The following PRPS2 variants were observed in gnomAD, a reference collection of about 807,000 sequenced individuals.
PRPS2 encodes the protein ribose-phosphate pyrophosphokinase 2.
For missense variants in PRPS2, 104 were observed against 271.5 expected, an observed-to-expected ratio of 0.38 and a Z score of 4.34; for synonymous variants, 111 against 115.3, an observed-to-expected ratio of 0.96 and a Z score of 0.24.
At chrX:12,818,366 CAAAAAA>C (rs35450855) in intron 4 of PRPS2, among the ~76,000 whole-genome samples, 2 of 62,898 alleles carry the variant, frequency 3.2e-5, no homozygotes, top group South Asian at 1.9e-3. Context: ...GAAACTGTCT[CAAAAAA>C]AAAAAAAAAA....
intron 4 of PRPS2, among the ~76,000 whole-genome samples, chrX:12,819,142 G>A (rs1266051125): frequency 8.9e-6 from 1 of 112,774 alleles, no homozygotes; most frequent in Non-Finnish European, 1.9e-5. Context: ...CCCACTATCT[G>A]TGCCACAAAC....
intron 2 of PRPS2, among the ~76,000 whole-genome samples, chrX:12,807,612 A>G (rs1433075831): frequency 8.9e-6 from 1 of 111,782 alleles, no homozygotes; most frequent in Non-Finnish European, 1.9e-5. Flanking sequence ...TTGAAGAACT[A>G]CTGAATGCAG....
chrX:12,798,009 C>T (rs2042552596), intron 1 of PRPS2, among the ~76,000 whole-genome samples: 1 of 112,233 alleles, frequency 8.9e-6, no homozygotes, highest in Non-Finnish European at 1.9e-5. Context: ...CAGCTGTGCA[C>T]AGGCAGAGAG....
At chrX:12,809,082 G>T in intron 2 of PRPS2, 152 bp from the exon 3 acceptor site, 1 of 480,818 alleles carries the variant, frequency 2.1e-6, no homozygotes, top group Non-Finnish European at 3.5e-6. Flanking sequence ...AAGATGGAAT[G>T]AATATATCTT....
In PRPS2 at chrX:12,807,724, A is replaced by G. The variant is rs138277362; in HGVS notation, c.307-1510A>G. 5.0e-3 allele frequency among the ~76,000 whole-genome samples: 560 copies of G among 111,834 alleles called. 3 individuals carry two copies. Among genetic ancestry groups the G allele is most frequent in the African/African-American group, 0.018 (546 of 30,794 alleles). On this transcript the variant is annotated intron_variant, in intron 2 of 6. Coordinates refer to ENST00000380668, the MANE Select transcript of PRPS2 (RefSeq NM_002765.5). ...ATGATGAAAACATGAGTTATGATCT[A>G]TAATTAGTGGAGAAGATTGAAAAAA...
chrX:12,812,455 C>T (rs2042628760), intron 4 of PRPS2, among the ~76,000 whole-genome samples: 1 of 111,053 alleles, frequency 9.0e-6, no homozygotes, highest in African/African-American at 3.3e-5. Flanking sequence ...GGTGAAACCC[C>T]GTCTCTGCTG....
At chrX:12,810,630 A>C (rs1239734120) in intron 4 of PRPS2, among the ~76,000 whole-genome samples, 1 of 111,282 alleles carries the variant, frequency 9.0e-6, no homozygotes, top group Non-Finnish European at 1.9e-5. Context: ...GGGGATGGGC[A>C]TCAGATCCAG....
In PRPS2 at chrX:12,810,245, G is replaced by C. The variant is rs188847805; in HGVS notation, c.530+99G>C. ...GGAAGCATGCTGTAAATTACTTAAA[G>C]CTTTATTTTGCTAATGAGCAAGTAA... On this transcript the variant is annotated intron_variant, in intron 4 of 6. Coordinates refer to ENST00000380668, the MANE Select transcript of PRPS2 (RefSeq NM_002765.5). 1.1e-5 allele frequency: 12 copies of C among 1,077,963 alleles called. No individual in the cohort carries two copies. The East Asian group carries it at 2.8e-4, about 25-fold the overall frequency. The allele number at this position is 1,077,963 out of a possible 1,213,427, so 88.8% of individuals were successfully genotyped here. A position where few individuals can be genotyped will look rare whatever the true frequency, so the allele number is the denominator to read the frequency against.
chrX:12,822,879 G>A lies in PRPS2; in HGVS notation c.*83G>A. On this transcript the variant is annotated 3_prime_UTR_variant, in exon 7 of 7. Transcript: ENST00000380668. ...CTGGATTTTTAGCTGTAGGTATTCA[G>A]CAATGATAGGTTAATCACTGGCAAA... The A allele has an allele frequency of 5.5e-6, 4 of 724,757 alleles. No homozygotes were observed. The highest frequency in any genetic ancestry group is 8.6e-6 in the Non-Finnish European group (4 of 466,896). The allele number at this position is 724,757 out of a possible 1,213,427, so 59.7% of individuals were successfully genotyped here. A position where few individuals can be genotyped will look rare whatever the true frequency, so the allele number is the denominator to read the frequency against.
intron 4 of PRPS2, among the ~76,000 whole-genome samples, chrX:12,815,682 C>T (rs1295646576): frequency 1.8e-5 from 2 of 111,474 alleles, no homozygotes; most frequent in East Asian, 5.6e-4. Context: ...CTCGCTCAGT[C>T]GCCCAGGCTG....
intron 4 of PRPS2, among the ~76,000 whole-genome samples, chrX:12,813,264 T>C (rs2042632598): frequency 8.9e-6 from 1 of 112,480 alleles, no homozygotes; most frequent in Non-Finnish European, 1.9e-5. Flanking sequence ...CATAGTCGTG[T>C]TGTGCAGCTG....
intron 4 of PRPS2, among the ~76,000 whole-genome samples, chrX:12,812,646 C>T (rs1447420658): frequency 9.0e-6 from 1 of 111,602 alleles, no homozygotes; most frequent in Non-Finnish European, 1.9e-5. Flanking sequence ...AAAGAAAATA[C>T]CAAAAAACTC....
At chrX:12,809,872 T>C in intron 3 of PRPS2, 150 bp from the exon 4 acceptor site, 2 of 811,572 alleles carry the variant, frequency 2.5e-6, no homozygotes, top group African/African-American at 4.1e-5. Context: ...TTTAATTCTG[T>C]TTAAAATTAA....
rs567502843 is a variant in PRPS2, at chrX:12,806,887, G to A, written c.307-2347G>A. 3.6e-5 allele frequency among the ~76,000 whole-genome samples: 4 copies of A among 111,434 alleles called. No homozygotes were observed. The East Asian group carries it at 1.1e-3, about 31-fold the overall frequency. ...GCGGATCACCTGAGGTCGGGAGTTC[G>A]AGACCAGTCTGACCAACATGGAGAA... On this transcript the variant is annotated intron_variant, in intron 2 of 6. Transcript: ENST00000380668.
At position 12,818,659 on chromosome X, in the gene PRPS2, T is replaced by A. The variant is rs369497566; in HGVS notation, c.531-848T>A. 8.9e-5 allele frequency among the ~76,000 whole-genome samples: 10 copies of A among 112,153 alleles called. No homozygotes were observed. The East Asian group carries it at 2.2e-3, about 25-fold the overall frequency. On this transcript the variant is annotated intron_variant, in intron 4 of 6. Coordinates refer to ENST00000380668, the MANE Select transcript of PRPS2 (RefSeq NM_002765.5). Reference sequence around the variant, plus strand: ...GTGTATTGGTCCCCAAAGCATTTTTTCAGCTAAATTGCATAATGACTGTTA... The same window carrying A: ...GTGTATTGGTCCCCAAAGCATTTTTACAGCTAAATTGCATAATGACTGTTA...
At position 12,823,667 on chromosome X, in the gene PRPS2, T is replaced by C. The variant is rs2042686992; in HGVS notation, c.*871T>C. On this transcript the variant is annotated 3_prime_UTR_variant, in exon 7 of 7. Transcript: ENST00000380668. ...AATGATCTCAGATTTTTAAAAAGGA[T>C]ATAGGAACCTGCATTGTCATTCTCT... 8.9e-6 allele frequency: 1 copy of C among 112,342 alleles called. No individual in the cohort carries two copies. Among genetic ancestry groups the C allele is most frequent in the African/African-American group, 3.2e-5 (1 of 30,915 alleles). The allele number at this position is 112,342 out of a possible 1,213,427, so 9.3% of individuals were successfully genotyped here.
At chrX:12,804,361 C>T (rs769655590) in intron 2 of PRPS2, among the ~76,000 whole-genome samples, 77 of 110,666 alleles carry the variant, frequency 7.0e-4, no homozygotes, top group African/African-American at 2.4e-3. Flanking sequence ...AGGCTGGTCT[C>T]GAACTCCTGA....
At position 12,810,016 on chromosome X, in the gene PRPS2, C is replaced by T; in HGVS notation, c.406-6C>T. The T allele has an allele frequency of 1.7e-6, 2 of 1,202,079 alleles. No individual in the cohort carries two copies. Among genetic ancestry groups the T allele is most frequent in the Non-Finnish European group, 2.2e-6 (2 of 890,282 alleles). On this transcript the variant is annotated splice_region_variant and splice_polypyrimidine_tract_variant and intron_variant, in intron 3 of 6. Transcript: ENST00000380668. ...CCTGCAACATGACACTCACTTCTCC[C>T]TTTAGGGATTCTTTGATATTCCTGT...
At chrX:12,820,888 G>A (rs2042672326) in intron 6 of PRPS2, 85 bp downstream of exon 6, 1 of 1,031,218 alleles carries the variant, frequency 9.7e-7, no homozygotes, top group African/African-American at 1.9e-5. Flanking sequence ...GTGTGTGTGT[G>A]GCTCCTTGCT....
Sources: allele counts gnomAD v4.1 joint callset (sites outside exome capture counted in the v4.1 genomes callset), GRCh38; gene constraint gnomAD v4.1.1; transcripts MANE v1.5; gene names NCBI Gene and HGNC (gene_info 2026-07-23, HGNC 2026-07-21).